Variants in WWOX observed in about 807,000 individuals in gnomAD.
The protein encoded by WWOX is WW domain containing oxidoreductase.
In WWOX, 69 loss-of-function variants were observed where a neutral mutation model predicts 46.2. The ratio of observed to expected loss-of-function variants is 1.49; its 90% CI spans 1.23 to 1.82. WWOX has a LOEUF of 1.82. Ranked by LOEUF, WWOX falls within the 40% of genes most tolerant of loss-of-function variation. The pLI, the probability that WWOX is intolerant of heterozygous loss-of-function variation, is 0.00. For synonymous variants in WWOX, 359 were observed against 202.6 expected (o/e 1.77, Z -6.56); for missense variants, 919 against 542.6 (o/e 1.69, Z -6.89).
chr16:78,620,652 T>A (rs2046156731), intron 8 of WWOX, among the ~76,000 whole-genome samples: 1 of 152,160 alleles, frequency 6.6e-6, no homozygotes, highest in Non-Finnish European at 1.5e-5. Flanking sequence ...TGCTTCTTGA[T>A]GCACTTGTAC....
intron 5 of WWOX, among the ~76,000 whole-genome samples, chr16:78,297,024 T>C (rs541093805): frequency 6.6e-5 from 10 of 152,308 alleles, no homozygotes; most frequent in African/African-American, 2.4e-4. Flanking sequence ...GAAGGCTGAA[T>C]TGGTAAAATT....
intron 8 of WWOX, among the ~76,000 whole-genome samples, chr16:78,538,843 T>G (rs759701137): frequency 1.3e-5 from 2 of 152,218 alleles, no homozygotes; most frequent in Non-Finnish European, 2.9e-5. Context: ...GAGGATTGTT[T>G]ATTTCTGTTC....
intron 5 of WWOX, among the ~76,000 whole-genome samples, chr16:78,379,167 T>C (rs1192753885): frequency 6.6e-6 from 1 of 152,220 alleles, no homozygotes; most frequent in Non-Finnish European, 1.5e-5. Flanking sequence ...TGCTTATTAT[T>C]TTTGTTGCTT....
At chr16:79,155,830 G>C (rs1041533145) in intron 8 of WWOX, among the ~76,000 whole-genome samples, 5 of 152,042 alleles carry the variant, frequency 3.3e-5, no homozygotes, top group African/African-American at 1.2e-4. Flanking sequence ...GCCTAGCATG[G>C]TGTCAGGTTT....
At chr16:78,876,698 G>C (rs1012192995) in intron 8 of WWOX, among the ~76,000 whole-genome samples, 63 of 152,052 alleles carry the variant, frequency 4.1e-4, no homozygotes, top group African/African-American at 1.4e-3. Flanking sequence ...AGCCCAGTTA[G>C]GGTACCCTCA....
chr16:78,836,936 G>C (rs905969948), intron 8 of WWOX, among the ~76,000 whole-genome samples: 2 of 152,140 alleles, frequency 1.3e-5, no homozygotes, highest in African/African-American at 2.4e-5. Flanking sequence ...AGCAAAATAT[G>C]AGAGATGGAA....
intron 8 of WWOX, among the ~76,000 whole-genome samples, chr16:79,163,816 A>G (rs9935463): frequency 0.52 from 64,473 of 124,910 alleles, 17,297 homozygotes; most frequent in East Asian, 0.9. Context: ...AAAAAAAAAA[A>G]AGAGAGAGAG....
intron 6 of WWOX, among the ~76,000 whole-genome samples, chr16:78,402,586 G>C (rs2082439229): frequency 6.6e-6 from 1 of 152,114 alleles, no homozygotes; most frequent in African/African-American, 2.4e-5. Flanking sequence ...AGCCCCTCTT[G>C]AAGGAGAGTT....
chr16:78,193,695 T>C lies in WWOX; in HGVS notation c.516+29406T>C, dbSNP rs923710150. ...TTTCAACACCATATGGGTATGTGAG[T>C]ATAGATGCTTACAAGAAGAAGGGTA... On this transcript the variant is annotated intron_variant, in intron 5 of 8. Coordinates refer to ENST00000566780, the MANE Select transcript of WWOX (RefSeq NM_016373.4). Among the ~76,000 whole-genome samples, 7 of 152,134 alleles carry C rather than the reference T, an allele frequency of 4.6e-5. No individual in the cohort carries two copies. In the East Asian group the frequency reaches 1.4e-3, roughly 29 times the overall value.
At chr16:78,918,766 C>T (rs776740705) in intron 8 of WWOX, among the ~76,000 whole-genome samples, 4 of 152,136 alleles carry the variant, frequency 2.6e-5, no homozygotes, top group East Asian at 1.9e-4. Flanking sequence ...AATTAATGCT[C>T]GGAGGAGTCA....
intron 8 of WWOX, among the ~76,000 whole-genome samples, chr16:78,732,509 A>C (rs8059324): frequency 0.14 from 21,526 of 152,134 alleles, 3,396 homozygotes; most frequent in African/African-American, 0.38. Context: ...TGCCATATTC[A>C]AATTGCTGAC....
At chr16:78,305,389 C>A (rs781459982) in intron 5 of WWOX, among the ~76,000 whole-genome samples, 1 of 152,150 alleles carries the variant, frequency 6.6e-6, no homozygotes, top group East Asian at 1.9e-4. Context: ...GCCATGTAAC[C>A]TCTGGATGAG....
At chr16:78,355,186 C>T (rs1379552136) in intron 5 of WWOX, among the ~76,000 whole-genome samples, 1 of 152,102 alleles carries the variant, frequency 6.6e-6, no homozygotes, top group African/African-American at 2.4e-5. Flanking sequence ...CTGCCAGTCA[C>T]TCTATAGTAA....
chr16:78,448,701 T>C (rs554523913), intron 8 of WWOX, among the ~76,000 whole-genome samples: 3 of 152,330 alleles, frequency 2.0e-5, no homozygotes, highest in African/African-American at 4.8e-5. Context: ...TGTTGCTGTT[T>C]TAATGAAGAG....
At chr16:78,623,968 G>A (rs999245451) in intron 8 of WWOX, among the ~76,000 whole-genome samples, 1 of 152,130 alleles carries the variant, frequency 6.6e-6, no homozygotes, top group East Asian at 1.9e-4. Context: ...GGGACTTACT[G>A]AGGAGAAATG....
chr16:78,915,470 C>A (rs569344125), intron 8 of WWOX, among the ~76,000 whole-genome samples: 2 of 152,034 alleles, frequency 1.3e-5, no homozygotes, highest in Admixed American at 1.3e-4. Context: ...AATGACTGTC[C>A]CTCTAATGAC....
At chr16:78,677,604 T>C (rs13334843) in intron 8 of WWOX, among the ~76,000 whole-genome samples, 1,620 of 152,328 alleles carry the variant, frequency 0.011, 28 homozygotes, top group African/African-American at 0.037. Context: ...GTTTACAGTG[T>C]GGGACACCTG....
chr16:78,541,279 C>A (rs1338715110), intron 8 of WWOX, among the ~76,000 whole-genome samples: 6 of 151,142 alleles, frequency 4.0e-5, no homozygotes. Context: ...TCGAGACCAT[C>A]CCGGCTAAAA....
chr16:78,678,698 A>T (rs144533268), intron 8 of WWOX, among the ~76,000 whole-genome samples: 69 of 152,224 alleles, frequency 4.5e-4, no homozygotes, highest in African/African-American at 1.4e-3. Flanking sequence ...AGATAAACCT[A>T]AAAGAGGGTC....
Sources: allele counts gnomAD v4.1 joint callset (sites outside exome capture counted in the v4.1 genomes callset), GRCh38; gene constraint gnomAD v4.1.1; transcripts MANE v1.5; gene names NCBI Gene and HGNC (gene_info 2026-07-23, HGNC 2026-07-21).